The following AGBL1 variants were observed in gnomAD, a reference collection of about 807,000 sequenced individuals.
AGBL1 encodes AGBL carboxypeptidase 1, also known as cytosolic carboxypeptidase 4.
In AGBL1, 130 loss-of-function variants were observed where a neutral mutation model predicts 118.9. The observed-to-expected ratio is 1.09, with a 90% CI of 0.95 to 1.26. The LOEUF is 1.26. AGBL1 is among the 50% of genes most tolerant of loss of function. The pLI is 0.00. For missense variants in AGBL1, 1,584 were observed against 1,298.1 expected, an observed-to-expected ratio of 1.22 and a Z score of -3.38; for synonymous variants, 555 against 478.9, an observed-to-expected ratio of 1.16 and a Z score of -2.08.
At chr15:86,818,050 C>T (rs1199311755) in intron 22 of AGBL1, among the ~76,000 whole-genome samples, 1 of 151,974 alleles carries the variant, frequency 6.6e-6, no homozygotes, top group East Asian at 2.0e-4. Context: ...AGGAGCATGG[C>T]CCTGCTACCA....
In AGBL1 at chr15:86,793,787, G is replaced by A. The variant is rs1188982771; in HGVS notation, c.3159-113300G>A. On this transcript the variant is annotated intron_variant, in intron 22 of 22. Coordinates refer to ENST00000614907, the MANE Select transcript of AGBL1 (RefSeq NM_001386094.1). ...GACAAACAACCCAATTAAAAATTAC[G>A]AAAGTCTTGAGTAGACTTTTTCCAA... Among the ~76,000 whole-genome samples the A allele has an allele frequency of 2.6e-5, 4 of 152,094 alleles. No homozygotes were observed. The East Asian group carries it at 5.8e-4, about 22-fold the overall frequency.
At chr15:86,874,906 T>G (rs758780846) in intron 22 of AGBL1, among the ~76,000 whole-genome samples, 9 of 152,050 alleles carry the variant, frequency 5.9e-5, no homozygotes, top group Non-Finnish European at 1.0e-4. Context: ...AAAATGCCAC[T>G]GTAGAAGGTC....
intron 22 of AGBL1, among the ~76,000 whole-genome samples, chr15:86,792,032 G>A (rs973231155): frequency 3.3e-5 from 5 of 152,068 alleles, no homozygotes; most frequent in African/African-American, 1.2e-4. Context: ...CACTGCACCG[G>A]CCTGTTTTAT....
At chr15:86,410,828 ATATATATATATAT>A (rs2081599653) in intron 18 of AGBL1, among the ~76,000 whole-genome samples, 1 of 94,360 alleles carries the variant, frequency 1.1e-5, no homozygotes, top group African/African-American at 4.2e-5. Flanking sequence ...ATATATATAT[ATATATATATATAT>A]AATATACTAT....
chr15:86,241,560 A>G (rs573371488), intron 6 of AGBL1, among the ~76,000 whole-genome samples: 1 of 152,262 alleles, frequency 6.6e-6, no homozygotes, highest in East Asian at 1.9e-4. Flanking sequence ...TCCAAGATCA[A>G]GGGTGTGGCA....
At chr15:86,895,397 G>GTT (rs552572051) in intron 22 of AGBL1, among the ~76,000 whole-genome samples, 26 of 142,650 alleles carry the variant, frequency 1.8e-4, no homozygotes, top group African/African-American at 3.1e-4. Context: ...GACATGTTTA[G>GTT]TTTTTTTTTT....
At position 86,716,619 on chromosome 15, in the gene AGBL1, A is replaced by C. The variant is rs375869566; in HGVS notation, c.3158+42183A>C. On this transcript the variant is annotated intron_variant, in intron 22 of 22. Coordinates refer to ENST00000614907, the MANE Select transcript of AGBL1 (RefSeq NM_001386094.1). ...AAAAAGCTCACGGCTATCTCCAGCCAATACTCAGCTTTCAGATGTCAGAAT... is the reference window on the plus strand; with the variant it reads ...AAAAAGCTCACGGCTATCTCCAGCCCATACTCAGCTTTCAGATGTCAGAAT... 1.4e-4 allele frequency among the ~76,000 whole-genome samples: 22 copies of C among 152,354 alleles called. No homozygotes were observed. The East Asian group carries it at 3.1e-3, about 21-fold the overall frequency.
At chr15:86,214,128 C>G (rs765935114) in intron 5 of AGBL1, among the ~76,000 whole-genome samples, 6 of 152,326 alleles carry the variant, frequency 3.9e-5, no homozygotes, top group South Asian at 2.1e-4. Context: ...TCAAACAGGA[C>G]AGATAACAGT....
At chr15:86,186,474 G>A (rs751023424) in intron 5 of AGBL1, among the ~76,000 whole-genome samples, 5 of 152,344 alleles carry the variant, frequency 3.3e-5, no homozygotes, top group East Asian at 1.9e-4. Flanking sequence ...ATCAATGTCA[G>A]TGTAAAGATT....
In AGBL1 at chr15:86,567,818, A is replaced by G. The variant is rs553027500; in HGVS notation, c.2994+13281A>G. Among the ~76,000 whole-genome samples the G allele has an allele frequency of 4.6e-5, 7 of 152,210 alleles. No homozygotes were observed. The South Asian group carries it at 1.2e-3, about 27-fold the overall frequency. ...AAGTCTGAACTCTGTGTCCAGAGGT[A>G]TCTTGATCTGGGGCATGGTCCAGGA... On this transcript the variant is annotated intron_variant, in intron 21 of 22. Transcript: ENST00000614907.
intron 22 of AGBL1, among the ~76,000 whole-genome samples, chr15:86,857,202 CTG>C (rs2079495321): frequency 6.6e-6 from 1 of 152,204 alleles, no homozygotes; most frequent in African/African-American, 2.4e-5. Flanking sequence ...TCAGCTATTA[CTG>C]TCCAACTGGG....
At chr15:86,518,392 T>C (rs538627271) in intron 18 of AGBL1, among the ~76,000 whole-genome samples, 1 of 152,314 alleles carries the variant, frequency 6.6e-6, no homozygotes, top group African/African-American at 2.4e-5. Context: ...GTCCAGCCTT[T>C]AAGGTTCCCT....
intron 21 of AGBL1, among the ~76,000 whole-genome samples, chr15:86,651,884 T>C (rs1269591042): frequency 6.6e-6 from 1 of 152,186 alleles, no homozygotes; most frequent in Non-Finnish European, 1.5e-5. Context: ...AGACACTGTC[T>C]CTTGAGCTGT....
chr15:86,770,661 A>G (rs549364196), intron 22 of AGBL1, among the ~76,000 whole-genome samples: 1 of 152,002 alleles, frequency 6.6e-6, no homozygotes, highest in African/African-American at 2.4e-5. Flanking sequence ...ACTTTAAAGG[A>G]CAATTAGGAG....
intron 22 of AGBL1, among the ~76,000 whole-genome samples, chr15:86,738,625 T>C (rs2077635129): frequency 6.6e-6 from 1 of 152,226 alleles, no homozygotes; most frequent in Admixed American, 6.5e-5. Flanking sequence ...CCATTATGCA[T>C]TATTGCCAAT....
intron 22 of AGBL1, among the ~76,000 whole-genome samples, chr15:86,699,898 CA>C (rs1382296308): frequency 6.6e-6 from 1 of 151,998 alleles, no homozygotes; most frequent in African/African-American, 2.4e-5. Flanking sequence ...ATGCACCTAC[CA>C]GTTTTAGCAT....
At chr15:87,030,269 A>C (rs1260974746), downstream of AGBL1, among the ~76,000 whole-genome samples, 1 of 152,042 alleles carries the variant, frequency 6.6e-6, no homozygotes, top group African/African-American at 2.4e-5. Flanking sequence ...GAGATTAAAA[A>C]TAATAAAGAG....
At chr15:86,993,784 G>A (rs1401890046) in intron 24 of AGBL1, among the ~76,000 whole-genome samples, 1 of 152,170 alleles carries the variant, frequency 6.6e-6, no homozygotes, top group African/African-American at 2.4e-5. Flanking sequence ...CACTTCAAAT[G>A]TCAGATCCCC....
chr15:86,169,589 C>T (rs894645609), intron 5 of AGBL1, among the ~76,000 whole-genome samples: 1 of 152,180 alleles, frequency 6.6e-6, no homozygotes, highest in Admixed American at 6.5e-5. Flanking sequence ...ATAACTTATG[C>T]ACTTCCTCCT....
Sources: allele counts gnomAD v4.1 joint callset (sites outside exome capture counted in the v4.1 genomes callset), GRCh38; gene constraint gnomAD v4.1.1; transcripts MANE v1.5; gene names NCBI Gene and HGNC (gene_info 2026-07-23, HGNC 2026-07-21).